Variants in DMD observed in about 807,000 individuals in gnomAD.
DMD encodes the protein mutant dystrophin.
A neutral mutation model predicts 330.1 loss-of-function variants in DMD; 63 were observed. The ratio of observed to expected loss-of-function variants is 0.19; its 90% confidence interval spans 0.16 to 0.24. The LOEUF is 0.24. DMD is among the 10% of genes least tolerant of loss of function. DMD has a pLI of 1.00. For missense variants in DMD, 3,344 were observed against 2,684.1 expected (o/e 1.25, Z -5.43); for synonymous variants, 1,223 against 959.8 (o/e 1.27, Z -5.07).
intron 9 of DMD, among the ~76,000 whole-genome samples, chrX:32,677,902 C>A (rs775288931): frequency 1.8e-5 from 2 of 111,664 alleles, no homozygotes; most frequent in Non-Finnish European, 3.8e-5. Context: ...TAAATACATA[C>A]AATGGAATTT....
chrX:32,899,649 G>C (rs2149291777), intron 2 of DMD, among the ~76,000 whole-genome samples: 1 of 100,694 alleles, frequency 9.9e-6, no homozygotes, highest in African/African-American at 3.7e-5. Context: ...ACTCCAGCCT[G>C]GACAACAGAG....
rs181271316 is a variant in DMD, at chrX:31,139,879, G to A, written c.10922-5685C>T. Among the ~76,000 whole-genome samples, 470 of 111,902 alleles carry A rather than the reference G, an allele frequency of 4.2e-3. 4 individuals are homozygous for A. The highest frequency in any genetic ancestry group is 0.014 in the Middle Eastern group (3 of 216). ...GAAATAATAAAAAGAGAAAAATAAT[G>A]TTTTTTGGATTATTAGCTATTTGGT... On this transcript the variant is annotated intron_variant, in intron 76 of 78. Coordinates refer to ENST00000357033, the MANE Select transcript of DMD (RefSeq NM_004006.3).
chrX:31,456,876 G>GTGTA lies in DMD; in HGVS notation c.8938-12250_8938-12249insTACA, dbSNP rs752346201. 6.1e-4 allele frequency among the ~76,000 whole-genome samples: 42 copies of GTGTA among 68,717 alleles called. No individual in the cohort carries two copies. The South Asian group carries it at 8.7e-3, about 14-fold the overall frequency. The allele number at this position is 68,717 out of a possible 115,157, so 59.7% of individuals were successfully genotyped here. A position where few individuals can be genotyped will look rare whatever the true frequency, so the allele number is the denominator to read the frequency against. Reference sequence around the variant, plus strand: ...TGTGTGTGTGTGTGTGTGTGTGTGTGTATATATATATATATTATATACCTA... The same window carrying GTGTA: ...TGTGTGTGTGTGTGTGTGTGTGTGTGTGTATATATATATATATATTATATACCTA... On this transcript the variant is annotated intron_variant, in intron 59 of 78. Coordinates refer to ENST00000357033, the MANE Select transcript of DMD (RefSeq NM_004006.3).
In DMD at chrX:32,636,266, C is replaced by T. The variant is rs2059087709; in HGVS notation, c.1331+7866G>A. On this transcript the variant is annotated intron_variant, in intron 11 of 78. Transcript: ENST00000357033. Reference sequence around the variant, plus strand: ...TGTCATGTATCATTTTCAAAAATTCCCACTAATTGCCATAGTTATTATACT... The same window carrying T: ...TGTCATGTATCATTTTCAAAAATTCTCACTAATTGCCATAGTTATTATACT... Among the ~76,000 whole-genome samples, 4 of 111,745 alleles carry T rather than the reference C, an allele frequency of 3.6e-5. No individual in the cohort carries two copies. The Admixed American group carries it at 3.8e-4, about 11-fold the overall frequency.
intron 17 of DMD, among the ~76,000 whole-genome samples, chrX:32,523,507 C>T (rs915811688): frequency 1.8e-5 from 2 of 112,033 alleles, no homozygotes; most frequent in Non-Finnish European, 3.8e-5. Context: ...GGGGTCCTAC[C>T]CCATGTGTAG....
intron 44 of DMD, among the ~76,000 whole-genome samples, chrX:32,204,802 G>A (rs1451346185): frequency 9.2e-6 from 1 of 109,089 alleles, no homozygotes; most frequent in Non-Finnish European, 1.9e-5. Flanking sequence ...AACAGGTGGG[G>A]GTTGAGGTCT....
At chrX:31,905,357 AAAACTTTTT>A (rs1235093082) in intron 47 of DMD, among the ~76,000 whole-genome samples, 45 of 111,654 alleles carry the variant, frequency 4.0e-4, no homozygotes, top group African/African-American at 1.4e-3. Flanking sequence ...TCAAAGTCAC[AAAACTTTTT>A]AAACTTGGTT....
chrX:31,234,899 T>C (rs946899347), intron 63 of DMD, among the ~76,000 whole-genome samples: 4 of 110,712 alleles, frequency 3.6e-5, no homozygotes, highest in Non-Finnish European at 7.6e-5. Context: ...GTTTGGTGGA[T>C]GGAAAACTAC....
chrX:31,847,231 C>G (rs757826916), intron 48 of DMD, among the ~76,000 whole-genome samples: 69 of 111,329 alleles, frequency 6.2e-4, no homozygotes, highest in African/African-American at 2.0e-3. Context: ...ATTTTAAGTA[C>G]CCATATGAGA....
At chrX:32,585,240 A>AC (rs1274902365) in intron 13 of DMD, among the ~76,000 whole-genome samples, 1 of 111,677 alleles carries the variant, frequency 9.0e-6, no homozygotes, top group East Asian at 2.8e-4. Flanking sequence ...ACGCTTAGAT[A>AC]GAAGGAATAA....
intron 54 of DMD, among the ~76,000 whole-genome samples, chrX:31,653,209 G>A (rs2080565875): frequency 1.8e-5 from 2 of 110,993 alleles, no homozygotes; most frequent in African/African-American, 3.3e-5. Flanking sequence ...TGTCAAAGAC[G>A]GAGAAAACAG....
chrX:31,681,664 G>A (rs892091919), intron 52 of DMD, among the ~76,000 whole-genome samples: 1 of 112,869 alleles, frequency 8.9e-6, no homozygotes, highest in Non-Finnish European at 1.9e-5. Flanking sequence ...GAAGGTCAAA[G>A]AATGGCTACA....
intron 1 of DMD, among the ~76,000 whole-genome samples, chrX:33,096,752 C>T (rs963153323): frequency 5.4e-5 from 6 of 112,102 alleles, no homozygotes; most frequent in South Asian, 7.4e-4. Context: ...GCGATTTACT[C>T]GCCTCAGCCT....
intron 74 of DMD, among the ~76,000 whole-genome samples, chrX:31,160,218 A>G (rs914251860): frequency 9.0e-6 from 1 of 111,575 alleles, no homozygotes; most frequent in Admixed American, 9.5e-5. Flanking sequence ...GTGAAAAGCC[A>G]AGTTATTCGG....
intron 47 of DMD, among the ~76,000 whole-genome samples, chrX:31,925,887 A>C (rs1371401596): frequency 1.8e-5 from 2 of 108,631 alleles, no homozygotes; most frequent in Admixed American, 2.0e-4. Flanking sequence ...AAAAAAAAAA[A>C]CAAAAAGAAG....
intron 44 of DMD, among the ~76,000 whole-genome samples, chrX:32,155,779 T>C (rs1718050): frequency 0.32 from 35,270 of 110,785 alleles, 4,445 homozygotes; most frequent in Non-Finnish European, 0.39. Context: ...TGTTTCGAAA[T>C]TGCAGCCCCA....
intron 1 of DMD, among the ~76,000 whole-genome samples, chrX:33,126,864 G>T (rs2095468333): frequency 9.0e-6 from 1 of 111,239 alleles, no homozygotes; most frequent in Admixed American, 9.7e-5. Context: ...ATTCGGCTCA[G>T]CTTGAACTCA....
At chrX:32,521,838 A>T (rs751202896) in intron 17 of DMD, among the ~76,000 whole-genome samples, 131 of 111,781 alleles carry the variant, frequency 1.2e-3, no homozygotes, top group African/African-American at 3.6e-3. Flanking sequence ...CCTAATTCCC[A>T]ATGTGATGAT....
chrX:32,977,842 C>T (rs13440776), intron 2 of DMD, among the ~76,000 whole-genome samples: 1,447 of 110,988 alleles, frequency 0.013, 16 homozygotes, highest in African/African-American at 0.044. Context: ...CTAAACATAA[C>T]GATGGGCAAA....
Sources: allele counts gnomAD v4.1 joint callset (sites outside exome capture counted in the v4.1 genomes callset), GRCh38; gene constraint gnomAD v4.1.1; transcripts MANE v1.5; gene names NCBI Gene and HGNC (gene_info 2026-07-23, HGNC 2026-07-21).